The following CUBN variants were observed in gnomAD, a reference collection of about 807,000 sequenced individuals.
The protein encoded by CUBN is 460 kDa receptor.
In CUBN, 282 loss-of-function variants were observed where a neutral mutation model predicts 405.3. That is an observed-to-expected ratio of 0.70 (90% confidence interval 0.63 to 0.77). CUBN has a LOEUF of 0.77. CUBN is among the 30% of genes least tolerant of loss of function. The pLI is 0.00. For missense variants in CUBN, 4,514 were observed against 4,475.2 expected (o/e 1.01, Z -0.25); for synonymous variants, 1,684 against 1,617.0 (o/e 1.04, Z -0.99).
intron 15 of CUBN, among the ~76,000 whole-genome samples, chr10:17,087,472 C>CTTTTTTTTTTTTTTTTT (rs775573918): frequency 3.9e-4 from 28 of 71,728 alleles, no homozygotes; most frequent in Non-Finnish European, 5.8e-4. Context: ...TTTTCTTTTT[C>CTTTTTTTTTTTTTTTTT]TTTTTTTTTT....
rs184628037 is a variant in CUBN, at chr10:16,833,736, C to G, written c.10362+1278G>C. ...AAGGCTGAAGCTACCAAGAAACTAT[C>G]AGCTGAGCAGAGGCCCGCTAGAAAG... is the stretch of plus-strand genomic sequence containing the variant. On this transcript the variant is annotated intron_variant, in intron 64 of 66. Transcript: ENST00000377833. Among the ~76,000 whole-genome samples, 5 of 152,324 alleles carry G rather than the reference C, an allele frequency of 3.3e-5. No individual in the cohort carries two copies. In the East Asian group the frequency reaches 9.7e-4, roughly 29 times the overall value.
chr10:17,071,361 A>T, intron 19 of CUBN, 65 bp downstream of exon 19: 1 of 1,514,232 alleles, frequency 6.6e-7, no homozygotes. Context: ...ATTTGAAGAC[A>T]ACAACCCATA....
At chr10:17,103,037 C>A (rs1836533636) in intron 13 of CUBN, 88 bp downstream of exon 13, 1 of 811,962 alleles carries the variant, frequency 1.2e-6, no homozygotes, top group African/African-American at 1.7e-5. Context: ...ATTATCATTG[C>A]ATGTATTTTA....
intron 19 of CUBN, among the ~76,000 whole-genome samples, chr10:17,070,164 T>C (rs751169596): frequency 3.9e-5 from 6 of 152,252 alleles, no homozygotes; most frequent in Non-Finnish European, 7.3e-5. Context: ...CATTTTCATA[T>C]ATCAATTGGC....
intron 59 of CUBN, among the ~76,000 whole-genome samples, chr10:16,868,655 T>C (rs1840255849): frequency 6.6e-6 from 1 of 152,194 alleles, no homozygotes. Context: ...CTGAGTTAAT[T>C]TGATATGGGT....
chr10:16,876,463 A>G (rs558342948), intron 57 of CUBN, among the ~76,000 whole-genome samples: 79 of 152,338 alleles, frequency 5.2e-4, no homozygotes, highest in Non-Finnish European at 1.0e-3. Context: ...GTTTTAAAAA[A>G]GTCTTTCCTA....
rs187673404 is a variant in CUBN, at chr10:16,974,699, T to C, written c.4695+7785A>G. ...AGTTAACTCTTGAACAACAGAGGTTTGAACTGCCTGGGTCCACTTAAACAC... is the reference window on the plus strand; with the variant it reads ...AGTTAACTCTTGAACAACAGAGGTTCGAACTGCCTGGGTCCACTTAAACAC... On this transcript the variant is annotated intron_variant, in intron 31 of 66. Coordinates refer to ENST00000377833, the MANE Select transcript of CUBN (RefSeq NM_001081.4). Among the ~76,000 whole-genome samples the C allele has an allele frequency of 4.5e-4, 69 of 152,244 alleles. No homozygotes were observed. In the East Asian group the frequency reaches 0.012, roughly 27 times the overall value.
chr10:17,102,621 T>G (rs946117077), intron 13 of CUBN, among the ~76,000 whole-genome samples: 2 of 144,174 alleles, frequency 1.4e-5, no homozygotes, highest in Admixed American at 6.8e-5. Context: ...TTTTTTTTTT[T>G]TGTGAGATGG....
chr10:17,039,083 C>A (rs964045640), intron 27 of CUBN, among the ~76,000 whole-genome samples: 1 of 152,070 alleles, frequency 6.6e-6, no homozygotes, highest in Non-Finnish European at 1.5e-5. Context: ...CTTTCCTCCC[C>A]CCTCTTTCTG....
intron 64 of CUBN, among the ~76,000 whole-genome samples, chr10:16,833,755 T>G (rs1408060244): frequency 6.6e-6 from 1 of 152,170 alleles, no homozygotes; most frequent in African/African-American, 2.4e-5. Context: ...AGAGGCCCGC[T>G]AGAAAGAATC....
intron 6 of CUBN, among the ~76,000 whole-genome samples, chr10:17,116,639 A>C (rs7900190): frequency 0.58 from 88,149 of 152,154 alleles, 26,564 homozygotes; most frequent in Non-Finnish European, 0.67. Context: ...CAAGGAGCTT[A>C]GTAATGTTCA....
At chr10:16,879,282 T>C (rs1301901569) in intron 56 of CUBN, among the ~76,000 whole-genome samples, 15 of 152,210 alleles carry the variant, frequency 9.9e-5, no homozygotes, top group Non-Finnish European at 1.5e-4. Flanking sequence ...CGAAACTTCA[T>C]TGTGATATTT....
chr10:16,893,889 T>C (rs978597559), intron 54 of CUBN, among the ~76,000 whole-genome samples: 4 of 152,328 alleles, frequency 2.6e-5, no homozygotes, highest in Middle Eastern at 3.4e-3. Flanking sequence ...CAGAGTGCAA[T>C]TGGTAAATAT....
At chr10:17,021,081 T>A (rs916848286) in intron 27 of CUBN, among the ~76,000 whole-genome samples, 4 of 152,194 alleles carry the variant, frequency 2.6e-5, no homozygotes, top group Admixed American at 6.5e-5. Flanking sequence ...TGTAATTGTC[T>A]TAACTTGTGT....
At chr10:16,971,937 A>G (rs1254549837) in intron 31 of CUBN, among the ~76,000 whole-genome samples, 1 of 151,908 alleles carries the variant, frequency 6.6e-6, no homozygotes, top group Non-Finnish European at 1.5e-5. Context: ...AACCACTGTG[A>G]CCTTGAGTCT....
chr10:17,034,340 G>C (rs1044205243), intron 27 of CUBN, among the ~76,000 whole-genome samples: 12 of 152,168 alleles, frequency 7.9e-5, no homozygotes, highest in African/African-American at 2.4e-4. Context: ...TGTATGACCA[G>C]GCCTTGGTGA....
At chr10:17,088,133 T>A (rs1332655708) in intron 15 of CUBN, 31 bp downstream of exon 15, 1 of 1,550,256 alleles carries the variant, frequency 6.5e-7, no homozygotes, top group Non-Finnish European at 8.9e-7. Flanking sequence ...AATCATATTG[T>A]GATATGTTCT....
chr10:17,087,517 C>CCAGGCTGGAGTG (rs1391942699), intron 15 of CUBN, among the ~76,000 whole-genome samples: 2 of 127,120 alleles, frequency 1.6e-5, no homozygotes, highest in Non-Finnish European at 3.2e-5. Flanking sequence ...ACTCTGTCAC[C>CCAGGCTGGAGTG]CAGGCTGGAG....
chr10:16,900,579 A>G, intron 53 of CUBN, 46 bp downstream of exon 53: 3 of 1,387,012 alleles, frequency 2.2e-6, no homozygotes, highest in Non-Finnish European at 2.1e-6. Context: ...AGTTCATACT[A>G]TACATCACTA....
Sources: allele counts gnomAD v4.1 joint callset (sites outside exome capture counted in the v4.1 genomes callset), GRCh38; gene constraint gnomAD v4.1.1; transcripts MANE v1.5; gene names NCBI Gene and HGNC (gene_info 2026-07-23, HGNC 2026-07-21).